RETN: variants seen among roughly 807,000 people sequenced by gnomAD.
The protein encoded by RETN is resistin.
RETN carries 5 observed loss-of-function variants against 6.1 expected under a neutral mutation model. The observed-to-expected ratio is 0.82, with a 90% CI of 0.43 to 1.73. RETN has a LOEUF of 1.73. Among genes scored for constraint, RETN ranks in the 40% most tolerant of loss-of-function variants. The pLI, the probability that RETN is intolerant of heterozygous loss-of-function variation, is 0.02. For missense variants in RETN, 168 were observed against 142.5 expected (o/e 1.18, Z -0.91); for synonymous variants, 62 against 59.2 (o/e 1.05, Z -0.22).
chr19:7,670,129 C>G (rs1486492679), intron 3 of RETN, 90 bp from the exon 4 acceptor site: 1 of 531,352 alleles, frequency 1.9e-6, no homozygotes, highest in Non-Finnish European at 3.4e-6. Context: ...CCCCCGCCCC[C>G]CCAACCCCCC....
In RETN at chr19:7,670,448, G is replaced by C; in HGVS notation, c.*99G>C. ...TAAACCTGGAGATGATGATGATGAT[G>C]ATGATGATGATGATGGAGCGGATCT... On this transcript the variant is annotated 3_prime_UTR_variant, in exon 4 of 4. Coordinates refer to ENST00000221515, the MANE Select transcript of RETN (RefSeq NM_020415.4). The C allele has an allele frequency of 7.9e-7, 1 of 1,273,300 alleles. No homozygotes were observed. The highest frequency in any genetic ancestry group is 1.1e-6 in the Non-Finnish European group (1 of 928,928). 78.9% of individuals were successfully genotyped at this position (1,273,300 alleles called of 1,614,324 possible).
chr19:7,670,428 C>T lies in RETN; in HGVS notation c.*79C>T. The T allele has an allele frequency of 3.0e-6, 4 of 1,335,478 alleles. No homozygotes were observed. The highest frequency in any genetic ancestry group is 4.0e-6 in the Non-Finnish European group (4 of 1,011,872). The allele number at this position is 1,335,478 out of a possible 1,614,324, so 82.7% of individuals were successfully genotyped here. A position where few individuals can be genotyped will look rare whatever the true frequency, so the allele number is the denominator to read the frequency against. ...GGTTGCGGGGGAGCTGGAAATAAAC[C>T]TGGAGATGATGATGATGATGATGAT... On this transcript the variant is annotated 3_prime_UTR_variant, in exon 4 of 4. Coordinates refer to ENST00000221515, the MANE Select transcript of RETN (RefSeq NM_020415.4).
At position 7,669,097 on chromosome 19, in the gene RETN, T is replaced by C; in HGVS notation, c.-35T>C. 1 of 514,164 alleles carries C rather than the reference T, an allele frequency of 1.9e-6. No homozygotes were observed. Among genetic ancestry groups the C allele is most frequent in the South Asian group, 2.4e-5 (1 of 42,534 alleles). 31.9% of individuals were successfully genotyped at this position (514,164 alleles called of 1,614,324 possible). ...CGGTGCAGGAATTCGTGTGCCGGAT[T>C]TGGTTAGCTGAGCCCACCGAGAGGG... is the stretch of plus-strand genomic sequence containing the variant. On this transcript the variant is annotated 5_prime_UTR_variant, in exon 1 of 4. Transcript: ENST00000221515.
Position 7,669,442 on chromosome 19 carries a change from T to C in RETN, c.116T>C (p.Leu39Pro). The C allele has an allele frequency of 6.2e-7, 1 of 1,609,184 alleles. No homozygotes were observed. The highest frequency in any genetic ancestry group is 8.5e-7 in the Non-Finnish European group (1 of 1,175,656). Residue 39 changes from leucine (L) to proline (P), a missense_variant and splice_region_variant, in exon 2 of 4, where the codon CTA becomes CCA. Coordinates refer to ENST00000221515, the MANE Select transcript of RETN (RefSeq NM_020415.4). Reference protein sequence around the residue: ...NERIQEVAGSLIFRAISSIGL... With the variant: ...NERIQEVAGSPIFRAISSIGL... ...AGGATCCAGGAGGTCGCCGGCTCCCTAAGTGAGGACCCCCCACTTGGGCAA... is the reference window on the plus strand; with the variant it reads ...AGGATCCAGGAGGTCGCCGGCTCCCCAAGTGAGGACCCCCCACTTGGGCAA...
chr19:7,669,995 C>A, intron 3 of RETN, 97 bp downstream of exon 3: 1 of 1,035,174 alleles, frequency 9.7e-7, no homozygotes, highest in South Asian at 1.3e-5. Flanking sequence ...AGCCTCTACT[C>A]CCCTAGGATC....
At chr19:7,670,153 C>A in intron 3 of RETN, 66 bp from the exon 4 acceptor site, 2 of 643,530 alleles carry the variant, frequency 3.1e-6, no homozygotes, top group Non-Finnish European at 2.7e-6. Context: ...GCGCTCCCCA[C>A]CCCCCTCCCG....
Position 7,669,432 on chromosome 19 carries a change from G to A in RETN, c.106G>A (p.Ala36Thr), listed in dbSNP as rs372142945. ...EAINERIQEV[A>T]GSLIFRAISS... ...CATCAATGAGAGGATCCAGGAGGTC[G>A]CCGGCTCCCTAAGTGAGGACCCCCC... The change falls in exon 2 of 4, where the codon GCC (alanine) becomes ACC (threonine). Residue 36 changes from alanine to threonine, a missense_variant. By Grantham distance (58) the Ala-to-Thr change is moderately conservative. Transcript: ENST00000221515. 7.4e-6 allele frequency: 12 copies of A among 1,613,214 alleles called. No homozygotes were observed. The highest frequency in any genetic ancestry group is 3.3e-5 in the Admixed American group (2 of 60,006).
At chr19:7,669,640 C>A (rs1270414786) in intron 2 of RETN, among the ~76,000 whole-genome samples, 181 bp from the exon 3 acceptor site, 1 of 152,144 alleles carries the variant, frequency 6.6e-6, no homozygotes. Flanking sequence ...CAAACCCAAT[C>A]CCCGCTCTCA....
chr19:7,670,089 G>T, intron 3 of RETN, 130 bp from the exon 4 acceptor site: 1 of 1,093,198 alleles, frequency 9.1e-7, no homozygotes, highest in African/African-American at 1.5e-5. Flanking sequence ...CCCATTCAGT[G>T]GTTGGAGCCT....
rs778100658 is a variant in RETN at position 7,669,896 on chromosome 19, G to A, written c.194G>A (p.Arg65Gln). 5.6e-6 allele frequency: 9 copies of A among 1,613,670 alleles called. No individual in the cohort carries two copies. The highest frequency in any genetic ancestry group is 6.8e-6 in the Non-Finnish European group (8 of 1,179,760). The change falls in exon 3 of 4, where the codon CGA becomes CAA. Residue 65 changes from arginine to glutamine, a missense_variant and splice_region_variant. Transcript: ENST00000221515. ...AGGGGGGACCTGGCTACTTGCCCCC[G>A]AGGTGAGTGCAGGAGACTGTTGTCC... is the stretch of plus-strand genomic sequence containing the variant. The part of the protein sequence containing the change: ...TSRGDLATCP[R>Q]GFAVTGCTCG...
rs377473014 is a variant in RETN, at chr19:7,669,945, C to T, written c.196+47C>T. 723 of 1,482,484 alleles carry T rather than the reference C, an allele frequency of 4.9e-4. 1 individual carries two copies. Among genetic ancestry groups the T allele is most frequent in the Non-Finnish European group, 6.3e-4 (671 of 1,063,202 alleles). The allele number at this position is 1,482,484 out of a possible 1,614,324, so 91.8% of individuals were successfully genotyped here. A position where few individuals can be genotyped will look rare whatever the true frequency, so the allele number is the denominator to read the frequency against. On this transcript the variant is annotated intron_variant, in intron 3 of 3. Coordinates refer to ENST00000221515, the MANE Select transcript of RETN (RefSeq NM_020415.4). ...CCAGGCGCCCATTTCTGTTCCAAGT[C>T]CCCTGGGAATGCCCCCTCCCCGCCA...
At chr19:7,670,113 T>TGGCCCC in intron 3 of RETN, 106 bp from the exon 4 acceptor site, 1 of 465,518 alleles carries the variant, frequency 2.1e-6, no homozygotes, top group Non-Finnish European at 3.9e-6. Context: ...GCCGTCCCCG[T>TGGCCCC]CCCCACCCCC....
chr19:7,669,818 C>G lies in RETN; in HGVS notation c.119-3C>G. 1 of 1,613,802 alleles carries G rather than the reference C, an allele frequency of 6.2e-7. No individual in the cohort carries two copies. The highest frequency in any genetic ancestry group is 1.1e-5 in the South Asian group (1 of 91,066). The stretch of plus-strand genomic sequence containing the variant: ...CCCTGTCTCCTTTCCTCCTGCCCCC[C>G]AGTATTTAGGGCAATAAGCAGCATT... On this transcript the variant is annotated splice_polypyrimidine_tract_variant and splice_region_variant and intron_variant, in intron 2 of 3. Coordinates refer to ENST00000221515, the MANE Select transcript of RETN (RefSeq NM_020415.4).
intron 3 of RETN, 96 bp from the exon 4 acceptor site, chr19:7,670,123 C>CGG: frequency 1.9e-6 from 1 of 528,930 alleles, no homozygotes; most frequent in Admixed American, 2.9e-5. Context: ...TCCCCACCCC[C>CGG]GCCCCCCCAA....
chr19:7,669,202 CA>C, intron 1 of RETN, 81 bp downstream of exon 1: 10 of 753,964 alleles, frequency 1.3e-5, no homozygotes, highest in Non-Finnish European at 2.1e-5. Context: ...CCCTGTCCCC[CA>C]CATGGGGGGA....
At chr19:7,669,546 T>C in intron 2 of RETN, 102 bp downstream of exon 2, 1 of 878,880 alleles carries the variant, frequency 1.1e-6, no homozygotes, top group South Asian at 1.3e-5. Flanking sequence ...TCACCAAATC[T>C]CATCCTCAAA....
Position 7,670,404 on chromosome 19 carries a change from G to T in RETN, c.*55G>T. On this transcript the variant is annotated 3_prime_UTR_variant, in exon 4 of 4. Coordinates refer to ENST00000221515, the MANE Select transcript of RETN (RefSeq NM_020415.4). ...CGGAGGCGGCTCCAGGTCCGGAGGG[G>T]TTGCGGGGGAGCTGGAAATAAACCT... The T allele has an allele frequency of 6.6e-7, 1 of 1,515,002 alleles. No individual in the cohort carries two copies. Among genetic ancestry groups the T allele is most frequent in the African/African-American group, 1.4e-5 (1 of 72,316 alleles). The allele number at this position is 1,515,002 out of a possible 1,614,324, so 93.8% of individuals were successfully genotyped here.
intron 3 of RETN, 106 bp from the exon 4 acceptor site, chr19:7,670,113 T>TTCC: frequency 6.4e-6 from 3 of 465,522 alleles, no homozygotes; most frequent in South Asian, 4.0e-5. Flanking sequence ...GCCGTCCCCG[T>TTCC]CCCCACCCCC....
rs772231434 is a variant in RETN at position 7,669,453 on chromosome 19, C to T, written c.118+9C>T. 6.3e-7 allele frequency: 1 copy of T among 1,592,310 alleles called. No individual in the cohort carries two copies. The highest frequency in any genetic ancestry group is 8.6e-7 in the Non-Finnish European group (1 of 1,160,276). ...GGTCGCCGGCTCCCTAAGTGAGGAC[C>T]CCCCACTTGGGCAAGCTCCCCAAGG... On this transcript the variant is annotated intron_variant, in intron 2 of 3. Coordinates refer to ENST00000221515, the MANE Select transcript of RETN (RefSeq NM_020415.4).
Sources: allele counts gnomAD v4.1 joint callset (sites outside exome capture counted in the v4.1 genomes callset), GRCh38; gene constraint gnomAD v4.1.1; transcripts MANE v1.5; gene names NCBI Gene and HGNC (gene_info 2026-07-23, HGNC 2026-07-21).